Variants in SLC9A2 observed in about 807,000 individuals in gnomAD.
SLC9A2 encodes the protein sodium/hydrogen exchanger 2.
A neutral mutation model predicts 71.7 loss-of-function variants in SLC9A2; 42 were observed. That is an observed-to-expected ratio of 0.59 (90% confidence interval 0.46 to 0.76). The LOEUF is 0.76. SLC9A2 is among the 30% of genes least tolerant of loss of function. The pLI is 0.00. For synonymous variants in SLC9A2, 396 were observed against 392.5 expected (o/e 1.01, Z -0.10); for missense variants, 829 against 1,017.4 (o/e 0.81, Z 2.52).
intron 3 of SLC9A2, 28 bp downstream of exon 3, chr2:102,665,378 G>A (rs377346071): frequency 2.2e-4 from 344 of 1,588,148 alleles, no homozygotes; most frequent in Non-Finnish European, 2.8e-4. Context: ...AAAAGTGCTC[G>A]ATGATGGCAT....
At position 102,707,016 on chromosome 2, in the gene SLC9A2, T is replaced by C. The variant is rs532861657; in HGVS notation, c.2068+1080T>C. ...GAAATAGAAAACCAAATACCATATA[T>C]TTTCACTTACAAGTGTGAGCTAAAC... On this transcript the variant is annotated intron_variant, in intron 11 of 11. Transcript: ENST00000233969. Among the ~76,000 whole-genome samples, 7 of 152,258 alleles carry C rather than the reference T, an allele frequency of 4.6e-5. No individual in the cohort carries two copies. In the South Asian group the frequency reaches 1.4e-3, roughly 32 times the overall value.
At chr2:102,633,953 A>G (rs1229303329) in intron 1 of SLC9A2, among the ~76,000 whole-genome samples, 1 of 152,220 alleles carries the variant, frequency 6.6e-6, no homozygotes, top group African/African-American at 2.4e-5. Context: ...ATAGAAACAC[A>G]TGTACATATA....
intron 1 of SLC9A2, among the ~76,000 whole-genome samples, chr2:102,632,172 A>G (rs1361125227): frequency 3.0e-5 from 4 of 133,670 alleles, no homozygotes; most frequent in African/African-American, 1.3e-4. Context: ...ATACACATAT[A>G]TATACATACA....
At chr2:102,654,279 G>C (rs1428749514) in intron 1 of SLC9A2, among the ~76,000 whole-genome samples, 1 of 132,752 alleles carries the variant, frequency 7.5e-6, no homozygotes. Context: ...ATAGAAGCAA[G>C]AGTCAGCTTG....
intron 5 of SLC9A2, among the ~76,000 whole-genome samples, chr2:102,688,295 C>G (rs1274784851): frequency 6.6e-6 from 1 of 152,118 alleles, no homozygotes; most frequent in African/African-American, 2.4e-5. Flanking sequence ...CTTTTTGCAG[C>G]CTCTGTGGGC....
chr2:102,666,226 C>T (rs11676771), intron 3 of SLC9A2, among the ~76,000 whole-genome samples: 27,008 of 135,804 alleles, frequency 0.2, 2,928 homozygotes, highest in East Asian at 0.34. Flanking sequence ...GGCGGAGTCT[C>T]GCTCTCTCGC....
At chr2:102,654,131 G>A (rs941533711) in intron 1 of SLC9A2, among the ~76,000 whole-genome samples, 17 of 151,128 alleles carry the variant, frequency 1.1e-4, no homozygotes, top group Middle Eastern at 3.4e-3. Context: ...TTGCTACCGC[G>A]TTAAGGAAAG....
At chr2:102,627,663 A>G (rs954021472) in intron 1 of SLC9A2, among the ~76,000 whole-genome samples, 10 of 151,888 alleles carry the variant, frequency 6.6e-5, no homozygotes, top group Non-Finnish European at 8.8e-5. Context: ...TCTATTTGAT[A>G]CTTTATCAAA....
At chr2:102,684,817 A>T (rs1677518510) in intron 5 of SLC9A2, among the ~76,000 whole-genome samples, 1 of 152,222 alleles carries the variant, frequency 6.6e-6, no homozygotes, top group Non-Finnish European at 1.5e-5. Context: ...CAATATCTTT[A>T]AGTTAAGATG....
At chr2:102,631,973 C>A (rs1676363655) in intron 1 of SLC9A2, among the ~76,000 whole-genome samples, 1 of 127,312 alleles carries the variant, frequency 7.9e-6, no homozygotes, top group African/African-American at 3.0e-5. Flanking sequence ...CTTGGTTCTT[C>A]CATTTAATTA....
At chr2:102,644,896 C>T (rs1022724564) in intron 1 of SLC9A2, among the ~76,000 whole-genome samples, 1 of 152,206 alleles carries the variant, frequency 6.6e-6, no homozygotes, top group African/African-American at 2.4e-5. Context: ...AACCTTCCTG[C>T]CTGCCAGCGC....
intron 1 of SLC9A2, among the ~76,000 whole-genome samples, chr2:102,652,719 G>A (rs1021405142): frequency 6.6e-6 from 1 of 152,178 alleles, no homozygotes; most frequent in Non-Finnish European, 1.5e-5. Flanking sequence ...TACACAGTAG[G>A]TCATACTTGC....
chr2:102,644,715 T>G (rs1676682303), intron 1 of SLC9A2, among the ~76,000 whole-genome samples: 1 of 152,188 alleles, frequency 6.6e-6, no homozygotes, highest in Non-Finnish European at 1.5e-5. Flanking sequence ...CATGGCAGTG[T>G]GGCAAAGTGC....
intron 5 of SLC9A2, among the ~76,000 whole-genome samples, 154 bp downstream of exon 5, chr2:102,684,490 A>G (rs1229324176): frequency 1.3e-5 from 2 of 152,176 alleles, no homozygotes; most frequent in Non-Finnish European, 2.9e-5. Flanking sequence ...ATGTCACTAG[A>G]TTGTTGAGGG....
chr2:102,619,690 C>A lies in SLC9A2; in HGVS notation c.-159C>A. ...CGCCTGCTCGCAGCGAGGACCTAGCCCTCTGGTTGCAGAGACCCGGTGCCG... is the reference window on the plus strand; with the variant it reads ...CGCCTGCTCGCAGCGAGGACCTAGCACTCTGGTTGCAGAGACCCGGTGCCG... On this transcript the variant is annotated 5_prime_UTR_variant, in exon 1 of 12. Coordinates refer to ENST00000233969, the MANE Select transcript of SLC9A2 (RefSeq NM_003048.6). The surrounding 1 kb of genome is among the most constrained non-coding windows in gnomAD (Gnocchi z 4.3). 1 of 566,364 alleles carries A rather than the reference C, an allele frequency of 1.8e-6. No homozygotes were observed. Among genetic ancestry groups the A allele is most frequent in the African/African-American group, 2.0e-5 (1 of 50,406 alleles). The allele number at this position is 566,364 out of a possible 1,614,324, so 35.1% of individuals were successfully genotyped here.
intron 3 of SLC9A2, among the ~76,000 whole-genome samples, chr2:102,677,802 T>C (rs1465063753): frequency 1.3e-5 from 2 of 152,162 alleles, no homozygotes; most frequent in Non-Finnish European, 2.9e-5. Flanking sequence ...CTCATTTTTC[T>C]CTCCAGCCTA....
chr2:102,659,660 C>G (rs1285085534), intron 2 of SLC9A2, among the ~76,000 whole-genome samples: 1 of 152,116 alleles, frequency 6.6e-6, no homozygotes, highest in South Asian at 2.1e-4. Context: ...ACTTAAGTAA[C>G]AAAATCCGCT....
At chr2:102,677,502 G>T (rs923389182) in intron 3 of SLC9A2, among the ~76,000 whole-genome samples, 6 of 152,302 alleles carry the variant, frequency 3.9e-5, no homozygotes, top group African/African-American at 1.4e-4. Flanking sequence ...AACATAGCAG[G>T]CTGCATCTGC....
At chr2:102,651,482 C>T (rs1474682559) in intron 1 of SLC9A2, among the ~76,000 whole-genome samples, 4 of 152,216 alleles carry the variant, frequency 2.6e-5, no homozygotes, top group Non-Finnish European at 5.9e-5. Context: ...CTTCCCTGCT[C>T]TGGAAAGTTC....
Sources: allele counts gnomAD v4.1 joint callset (sites outside exome capture counted in the v4.1 genomes callset), GRCh38; gene constraint gnomAD v4.1.1; non-coding constraint Gnocchi (gnomAD v3.1); transcripts MANE v1.5; gene names NCBI Gene and HGNC (gene_info 2026-07-23, HGNC 2026-07-21).